The following TMEM51 variants were observed in gnomAD, a reference collection of about 807,000 sequenced individuals.
The protein encoded by TMEM51 is chromosome 1 open reading frame 72.
In TMEM51, 8 loss-of-function variants were observed where a neutral mutation model predicts 13.6. That is an observed-to-expected ratio of 0.59 (90% confidence interval 0.35 to 1.07). The LOEUF is 1.07. TMEM51 is among the 50% of genes least tolerant of loss of function. The pLI is 0.02. For missense variants in TMEM51, 279 were observed against 330.7 expected, an observed-to-expected ratio of 0.84 and a Z score of 1.21; for synonymous variants, 147 against 144.4, an observed-to-expected ratio of 1.02 and a Z score of -0.13.
chr1:15,193,909 A>G (rs1215119130), intron 1 of TMEM51, among the ~76,000 whole-genome samples: 1 of 152,210 alleles, frequency 6.6e-6, no homozygotes, highest in East Asian at 1.9e-4. Context: ...AGGGGTGTAC[A>G]GAATTAAACC....
chr1:15,173,835 A>C (rs1175302605), intron 1 of TMEM51, among the ~76,000 whole-genome samples: 2 of 152,208 alleles, frequency 1.3e-5, no homozygotes, highest in Non-Finnish European at 2.9e-5. Flanking sequence ...TGTCACCTTG[A>C]CGTTAGTTGT....
chr1:15,213,501 A>G (rs2100352674), intron 2 of TMEM51, among the ~76,000 whole-genome samples: 1 of 152,308 alleles, frequency 6.6e-6, no homozygotes, highest in Middle Eastern at 3.4e-3. Flanking sequence ...CACAGGAATA[A>G]TGTATGGGGG....
chr1:15,172,387 C>CAAAA (rs34718626), intron 1 of TMEM51, among the ~76,000 whole-genome samples: 8 of 75,184 alleles, frequency 1.1e-4, no homozygotes, highest in East Asian at 4.3e-4. Context: ...GACCCTGTCT[C>CAAAA]AAAAAAAAAA....
chr1:15,200,619 C>T (rs1469920541), intron 1 of TMEM51, among the ~76,000 whole-genome samples: 1 of 152,028 alleles, frequency 6.6e-6, no homozygotes, highest in Non-Finnish European at 1.5e-5. Context: ...GTTTCAGGCA[C>T]CCTGACTGTG....
At chr1:15,152,668 CTG>C (rs1642435843), upstream of TMEM51, 1 of 152,284 alleles carries the variant, frequency 6.6e-6, no homozygotes, top group Admixed American at 6.5e-5. Context: ...GCTCTTCCCT[CTG>C]TGTTTAGCAT....
At chr1:15,186,363 A>G (rs1643774019) in intron 1 of TMEM51, among the ~76,000 whole-genome samples, 1 of 152,234 alleles carries the variant, frequency 6.6e-6, no homozygotes. Context: ...GGGTACAGTG[A>G]GGAATAACAG....
intron 1 of TMEM51, among the ~76,000 whole-genome samples, chr1:15,203,009 C>T (rs1644184905): frequency 6.6e-6 from 1 of 152,176 alleles, no homozygotes; most frequent in Non-Finnish European, 1.5e-5. Context: ...GGATTTCTGG[C>T]ACAATTAGAG....
chr1:15,184,916 T>C (rs1301053115), intron 1 of TMEM51, among the ~76,000 whole-genome samples: 8 of 151,938 alleles, frequency 5.3e-5, no homozygotes, highest in Non-Finnish European at 1.5e-5. Context: ...GATGCTGTTA[T>C]ACAACCGACA....
Position 15,215,273 on chromosome 1 carries a change from C to G in TMEM51, c.186C>G (p.Thr62=). The part of the protein sequence containing the change: ...EVGGGILKSK[T]FSVAYVLVGA... ...GTGGCGGCATCCTCAAGAGCAAGAC[C>G]TTCTCTGTGGCCTACGTGCTGGTCG... Residue 62 remains threonine (T), a synonymous_variant, in exon 3 of 4, where the codon ACC becomes ACG. Transcript: ENST00000376008. The G allele has an allele frequency of 6.2e-7, 1 of 1,612,478 alleles. No individual in the cohort carries two copies. Among genetic ancestry groups the G allele is most frequent in the Non-Finnish European group, 8.5e-7 (1 of 1,178,418 alleles).
intron 1 of TMEM51, among the ~76,000 whole-genome samples, chr1:15,155,241 G>T (rs1642549574): frequency 6.8e-6 from 1 of 147,042 alleles, no homozygotes; most frequent in Non-Finnish European, 1.5e-5. Flanking sequence ...TCTCTGATGG[G>T]GTGTCTGGGG....
chr1:15,176,487 G>A (rs888235253), intron 1 of TMEM51, among the ~76,000 whole-genome samples: 46 of 152,304 alleles, frequency 3.0e-4, no homozygotes, highest in Admixed American at 3.3e-4. Context: ...GAATAGAACC[G>A]GATGTGGAAG....
chr1:15,186,932 G>A (rs1469831371), intron 1 of TMEM51, among the ~76,000 whole-genome samples: 1 of 152,174 alleles, frequency 6.6e-6, no homozygotes, highest in Non-Finnish European at 1.5e-5. Context: ...TGCCTTGTGT[G>A]CCTCCTCCCC....
chr1:15,217,807 C>T (rs1205716357), intron 3 of TMEM51, among the ~76,000 whole-genome samples: 1 of 152,150 alleles, frequency 6.6e-6, no homozygotes, highest in Non-Finnish European at 1.5e-5. Context: ...ATCTGCCTTA[C>T]AGAGCCCACC....
intron 1 of TMEM51, among the ~76,000 whole-genome samples, chr1:15,176,898 G>A (rs1643471567): frequency 1.3e-5 from 2 of 152,208 alleles, no homozygotes; most frequent in African/African-American, 2.4e-5. Context: ...TGAGAAGTGA[G>A]AAGGAGATGG....
At chr1:15,183,321 G>A (rs970362695) in intron 1 of TMEM51, among the ~76,000 whole-genome samples, 1 of 152,186 alleles carries the variant, frequency 6.6e-6, no homozygotes, top group Non-Finnish European at 1.5e-5. Flanking sequence ...TATGCTACTT[G>A]ATTTACAAAT....
chr1:15,169,590 G>A (rs1284431584), intron 1 of TMEM51, among the ~76,000 whole-genome samples: 1 of 152,188 alleles, frequency 6.6e-6, no homozygotes, highest in East Asian at 1.9e-4. Context: ...GAGGAAGTTT[G>A]AGACATTTCA....
At chr1:15,164,665 G>C (rs1392273219) in intron 1 of TMEM51, among the ~76,000 whole-genome samples, 1 of 151,872 alleles carries the variant, frequency 6.6e-6, no homozygotes, top group Non-Finnish European at 1.5e-5. Context: ...AGAGATTATT[G>C]AAACGATTTT....
At chr1:15,171,030 C>A (rs1480576755) in intron 1 of TMEM51, 47 of 644,452 alleles carry the variant, frequency 7.3e-5, no homozygotes, top group Non-Finnish European at 1.0e-4. Context: ...GGTTCTCCAT[C>A]TTCAGCTTGT....
At chr1:15,181,582 C>T (rs538799200) in intron 1 of TMEM51, among the ~76,000 whole-genome samples, 4 of 152,308 alleles carry the variant, frequency 2.6e-5, no homozygotes, top group East Asian at 3.9e-4. Context: ...TGATGGTTAC[C>T]GTCATGTCTA....
Sources: allele counts gnomAD v4.1 joint callset (sites outside exome capture counted in the v4.1 genomes callset), GRCh38; gene constraint gnomAD v4.1.1; transcripts MANE v1.5; gene names NCBI Gene and HGNC (gene_info 2026-07-23, HGNC 2026-07-21).